Variants in NUAK1 observed in about 807,000 individuals in gnomAD.
NUAK1 encodes the protein NUAK family kinase 1.
A neutral mutation model predicts 56.9 loss-of-function variants in NUAK1; 26 were observed. The observed-to-expected ratio is 0.46, with a 90% CI of 0.33 to 0.63. The LOEUF (loss-of-function observed/expected upper bound fraction) is 0.63, where lower values mean the gene tolerates loss of function less well. NUAK1 is among the 30% of genes least tolerant of loss of function. The probability of loss-of-function intolerance (pLI) is 0.02; values close to 1 mark genes in which losing one functional copy is unlikely to be tolerated. For synonymous variants in NUAK1, 337 were observed against 336.0 expected, an observed-to-expected ratio of 1.00 and a Z score of -0.03; for missense variants, 727 against 876.1, an observed-to-expected ratio of 0.83 and a Z score of 2.15.
intron 1 of NUAK1, among the ~76,000 whole-genome samples, chr12:106,119,121 A>C (rs2032948631): frequency 6.6e-6 from 1 of 152,236 alleles, no homozygotes; most frequent in Non-Finnish European, 1.5e-5. Context: ...AAAATCTGTC[A>C]CTTGAGCAAC....
At chr12:106,099,237 A>T (rs56377117) in intron 2 of NUAK1, among the ~76,000 whole-genome samples, 1 of 152,154 alleles carries the variant, frequency 6.6e-6, no homozygotes, top group Admixed American at 6.5e-5. Flanking sequence ...AGATTGGGTG[A>T]ACAGCAGCAT....
intron 1 of NUAK1, among the ~76,000 whole-genome samples, chr12:106,128,150 G>A (rs1481758994): frequency 1.3e-5 from 1 of 76,042 alleles, no homozygotes; most frequent in Admixed American, 1.4e-4. Context: ...TTTTTTTTTT[G>A]ACACAGAGAC....
At position 106,121,079 on chromosome 12, in the gene NUAK1, T is replaced by C. The variant is rs547211131; in HGVS notation, c.241-14554A>G. ...GTGTTTTGAAAAGATCCCAGGTGATTCTCATGCTCAGCCAGGCCTGAGAAC... is the reference window on the plus strand; with the variant it reads ...GTGTTTTGAAAAGATCCCAGGTGATCCTCATGCTCAGCCAGGCCTGAGAAC... On this transcript the variant is annotated intron_variant, in intron 1 of 6. Coordinates refer to ENST00000261402, the MANE Select transcript of NUAK1 (RefSeq NM_014840.3). 2.0e-5 allele frequency among the ~76,000 whole-genome samples: 3 copies of C among 152,280 alleles called. No homozygotes were observed. The East Asian group carries it at 5.8e-4, about 30-fold the overall frequency.
At chr12:106,086,587 A>G in intron 3 of NUAK1, 147 bp downstream of exon 3, 2 of 733,378 alleles carry the variant, frequency 2.7e-6, no homozygotes, top group Non-Finnish European at 3.8e-6. Flanking sequence ...TTCCAGAATC[A>G]CGGGTGATGG....
At chr12:106,123,621 C>T (rs1365738884) in intron 1 of NUAK1, among the ~76,000 whole-genome samples, 1 of 152,130 alleles carries the variant, frequency 6.6e-6, no homozygotes, top group East Asian at 1.9e-4. Context: ...ACCAGATGCC[C>T]TAATGTTCTC....
In NUAK1 at chr12:106,120,810, A is replaced by G. The variant is rs115809581; in HGVS notation, c.241-14285T>C. ...ATGGCTTCGGACACACCGGTCCCACAGGGGCGAGGATGGAGGAGGGGGCTC... is the reference window on the plus strand; with the variant it reads ...ATGGCTTCGGACACACCGGTCCCACGGGGGCGAGGATGGAGGAGGGGGCTC... On this transcript the variant is annotated intron_variant, in intron 1 of 6. Coordinates refer to ENST00000261402, the MANE Select transcript of NUAK1 (RefSeq NM_014840.3). 9.1e-3 allele frequency among the ~76,000 whole-genome samples: 1,382 copies of G among 152,276 alleles called. 21 individuals carry two copies. The highest frequency in any genetic ancestry group is 0.031 in the African/African-American group (1,285 of 41,544).
At chr12:106,105,361 C>G (rs915443675) in intron 2 of NUAK1, among the ~76,000 whole-genome samples, 1 of 152,126 alleles carries the variant, frequency 6.6e-6, no homozygotes, top group African/African-American at 2.4e-5. Flanking sequence ...AAATGAATGT[C>G]AAAATGATGC....
In NUAK1 at chr12:106,066,599, A is replaced by T. The variant is rs142138366; in HGVS notation, c.*203T>A. On this transcript the variant is annotated 3_prime_UTR_variant, in exon 7 of 7. Transcript: ENST00000261402. ...AATGCCAAACAGGGCCCAAATTCTGACTGACAATTGACAGAACTGGCAGAA... is the reference window on the plus strand; with the variant it reads ...AATGCCAAACAGGGCCCAAATTCTGTCTGACAATTGACAGAACTGGCAGAA... 400 of 602,840 alleles carry T rather than the reference A, an allele frequency of 6.6e-4. 4 individuals are homozygous for T. The East Asian group carries it at 9.2e-3, about 14-fold the overall frequency. 37.3% of individuals were successfully genotyped at this position (602,840 alleles called of 1,614,324 possible).
Position 106,097,340 on chromosome 12 carries a change from A to C in NUAK1, c.361+9065T>G, listed in dbSNP as rs184336366. 9.2e-5 allele frequency among the ~76,000 whole-genome samples: 14 copies of C among 152,358 alleles called. No homozygotes were observed. The East Asian group carries it at 2.7e-3, about 29-fold the overall frequency. On this transcript the variant is annotated intron_variant, in intron 2 of 6. Transcript: ENST00000261402. The stretch of plus-strand genomic sequence containing the variant: ...TGATTGTGGTTTTCACCATTACTTT[A>C]ATGAATGGTACCTGAAACAAAAGTG...
chr12:106,112,766 G>T (rs12161816), intron 1 of NUAK1, among the ~76,000 whole-genome samples: 1 of 135,460 alleles, frequency 7.4e-6, no homozygotes, highest in African/African-American at 3.7e-5. Flanking sequence ...TGTATCAACA[G>T]GCTCTGAGGC....
chr12:106,133,359 G>A (rs1010942153), intron 1 of NUAK1, among the ~76,000 whole-genome samples: 12 of 152,124 alleles, frequency 7.9e-5, no homozygotes, highest in African/African-American at 2.4e-4. Flanking sequence ...ATACCCTTCC[G>A]GAAGGGTGGG....
chr12:106,072,597 G>A (rs2032417370), intron 5 of NUAK1, 127 bp downstream of exon 5: 7 of 1,062,840 alleles, frequency 6.6e-6, no homozygotes, highest in East Asian at 2.6e-5. Flanking sequence ...AATCGTATAA[G>A]GAAACGTTTT....
Position 106,079,293 on chromosome 12 carries a change from C to G in NUAK1, c.579+4571G>C, listed in dbSNP as rs2032492626. Among the ~76,000 whole-genome samples the G allele has an allele frequency of 2.0e-5, 3 of 152,162 alleles. 1 individual carries two copies. The South Asian group carries it at 6.2e-4, about 32-fold the overall frequency. ...GTTCCTGTGCTTGCTGTTTCTTCCT[C>G]TTGAAAAGCCATCATCATGCTCCTT... On this transcript the variant is annotated intron_variant, in intron 4 of 6. Coordinates refer to ENST00000261402, the MANE Select transcript of NUAK1 (RefSeq NM_014840.3).
intron 1 of NUAK1, among the ~76,000 whole-genome samples, chr12:106,118,626 A>C (rs1032261055): frequency 2.0e-5 from 3 of 152,218 alleles, no homozygotes; most frequent in Admixed American, 6.5e-5. Context: ...TTCCCTTACA[A>C]CAAAACTGTC....
intron 1 of NUAK1, among the ~76,000 whole-genome samples, chr12:106,120,768 G>A (rs538646388): frequency 2.0e-5 from 3 of 152,298 alleles, no homozygotes; most frequent in South Asian, 2.1e-4. Flanking sequence ...AAGAGGTCTC[G>A]GCCCAGGTCC....
In NUAK1 at chr12:106,129,521, C is replaced by T. The variant is rs564734990; in HGVS notation, c.240+8893G>A. On this transcript the variant is annotated intron_variant, in intron 1 of 6. Coordinates refer to ENST00000261402, the MANE Select transcript of NUAK1 (RefSeq NM_014840.3). ...CACTCTCCATGTGCTCACAAGGACA[C>T]GAGACACGGGGCTGAAACAAAGAAG... Among the ~76,000 whole-genome samples, 5 of 152,258 alleles carry T rather than the reference C, an allele frequency of 3.3e-5. No homozygotes were observed. The South Asian group carries it at 6.2e-4, about 19-fold the overall frequency.
chr12:106,098,688 T>C (rs1272335609), intron 2 of NUAK1, among the ~76,000 whole-genome samples: 3 of 151,962 alleles, frequency 2.0e-5, no homozygotes, highest in Non-Finnish European at 4.4e-5. Flanking sequence ...TCCACCCACC[T>C]TTTCAATTTT....
rs988961079 is a variant in NUAK1, at chr12:106,067,566, C to T, written c.1222G>A (p.Glu408Lys). 6 of 1,614,094 alleles carry T rather than the reference C, an allele frequency of 3.7e-6. No homozygotes were observed. The African/African-American group carries it at 5.3e-5, about 14-fold the overall frequency. The part of the protein sequence containing the change: ...KGILKKRSNS[E>K]HRSHSTGFIE... Reference sequence around the variant, plus strand: ...AAGCCAGTGCTGTGAGAGCGATGCTCGCTGTTGCTTCGCTTCTTCAGGATC... The same window carrying T: ...AAGCCAGTGCTGTGAGAGCGATGCTTGCTGTTGCTTCGCTTCTTCAGGATC... The change falls in exon 7 of 7, where the codon GAG becomes AAG. Residue 408 changes from glutamate to lysine, a missense_variant. Transcript: ENST00000261402. The surrounding 1 kb of genome is among the most constrained non-coding windows in gnomAD (Gnocchi z 6.0).
intron 3 of NUAK1, among the ~76,000 whole-genome samples, chr12:106,084,296 G>A (rs1238557545): frequency 6.6e-6 from 1 of 152,232 alleles, no homozygotes; most frequent in Non-Finnish European, 1.5e-5. Context: ...GGGATTCCCA[G>A]GGAAGAAGCA....
Sources: allele counts gnomAD v4.1 joint callset (sites outside exome capture counted in the v4.1 genomes callset), GRCh38; gene constraint gnomAD v4.1.1; non-coding constraint Gnocchi (gnomAD v3.1); transcripts MANE v1.5; gene names NCBI Gene and HGNC (gene_info 2026-07-23, HGNC 2026-07-21).